Variants in ZMAT4 observed in about 807,000 individuals in gnomAD.
The protein encoded by ZMAT4 is zinc finger matrin-type protein 4.
In ZMAT4, 17 loss-of-function variants were observed where a neutral mutation model predicts 28.7. That is an observed-to-expected ratio of 0.59 (90% CI 0.41 to 0.89). ZMAT4 has a LOEUF of 0.89. Among genes scored for constraint, ZMAT4 ranks in the 40% least tolerant of loss-of-function variants. ZMAT4 has a pLI of 0.00. For synonymous variants in ZMAT4, 117 were observed against 109.2 expected, an observed-to-expected ratio of 1.07 and a Z score of -0.44; for missense variants, 240 against 283.8, an observed-to-expected ratio of 0.85 and a Z score of 1.11.
At chr8:40,787,613 ACT>A (rs1814141236) in intron 2 of ZMAT4, among the ~76,000 whole-genome samples, 2 of 152,224 alleles carry the variant, frequency 1.3e-5, no homozygotes, top group African/African-American at 4.8e-5. Flanking sequence ...TGCCAGCAAC[ACT>A]ACTTTTGTGC....
At chr8:40,690,201 G>A (rs911605638) in intron 4 of ZMAT4, among the ~76,000 whole-genome samples, 2 of 152,172 alleles carry the variant, frequency 1.3e-5, no homozygotes, top group African/African-American at 4.8e-5. Context: ...AACAGGCATG[G>A]TTTCTCCCAC....
chr8:40,796,641 C>T (rs528459809), intron 2 of ZMAT4, among the ~76,000 whole-genome samples: 180 of 152,326 alleles, frequency 1.2e-3, no homozygotes, highest in African/African-American at 4.0e-3. Flanking sequence ...AATGATATCT[C>T]TTTCCCTCCC....
At chr8:40,855,093 C>T (rs1352201182) in intron 1 of ZMAT4, among the ~76,000 whole-genome samples, 7 of 152,180 alleles carry the variant, frequency 4.6e-5, no homozygotes, top group African/African-American at 7.2e-5. Flanking sequence ...GTGGCATTCA[C>T]GGGTTTTTGC....
chr8:40,747,322 C>A, intron 3 of ZMAT4, among the ~76,000 whole-genome samples: 1 of 152,046 alleles, frequency 6.6e-6, no homozygotes, highest in East Asian at 1.9e-4. Flanking sequence ...TTACATGACT[C>A]GCCCATGATC....
chr8:40,594,097 C>T (rs112141401), intron 5 of ZMAT4, among the ~76,000 whole-genome samples: 150 of 152,314 alleles, frequency 9.8e-4, no homozygotes, highest in African/African-American at 3.5e-3. Context: ...GCACCAAAGC[C>T]AGATGGCTGC....
intron 2 of ZMAT4, among the ~76,000 whole-genome samples, chr8:40,801,670 TA>T (rs1041251015): frequency 3.3e-5 from 5 of 151,826 alleles, no homozygotes; most frequent in Non-Finnish European, 7.4e-5. Context: ...AACTCTGTCT[TA>T]AAAAAATAAT....
chr8:40,760,673 C>G (rs536536577), intron 3 of ZMAT4, among the ~76,000 whole-genome samples: 1 of 150,140 alleles, frequency 6.7e-6, no homozygotes, highest in East Asian at 1.9e-4. Context: ...ACATTCTGAC[C>G]GCAAAGATCT....
At chr8:40,808,524 C>T (rs1429320817) in intron 2 of ZMAT4, 5 of 455,060 alleles carry the variant, frequency 1.1e-5, no homozygotes, top group Non-Finnish European at 1.8e-5. Flanking sequence ...CTTATTGACA[C>T]AGCTAGTTTT....
At chr8:40,580,817 G>A (rs1457501175) in intron 6 of ZMAT4, among the ~76,000 whole-genome samples, 1 of 152,156 alleles carries the variant, frequency 6.6e-6, no homozygotes, top group Non-Finnish European at 1.5e-5. Context: ...GAAAGGGAAA[G>A]TGGTAGAAGA....
At chr8:40,596,526 G>A (rs1017275442) in intron 5 of ZMAT4, among the ~76,000 whole-genome samples, 1 of 151,912 alleles carries the variant, frequency 6.6e-6, no homozygotes. Flanking sequence ...GAAAAATGAG[G>A]ACATAAACAC....
At chr8:40,605,273 A>G (rs1805541527) in intron 5 of ZMAT4, among the ~76,000 whole-genome samples, 1 of 151,858 alleles carries the variant, frequency 6.6e-6, no homozygotes, top group East Asian at 1.9e-4. Flanking sequence ...GTGACCTTAG[A>G]TTGTCTATTT....
chr8:40,824,454 GAAGA>G (rs1226097510), intron 2 of ZMAT4, among the ~76,000 whole-genome samples: 8 of 151,942 alleles, frequency 5.3e-5, no homozygotes, highest in Non-Finnish European at 1.0e-4. Context: ...CAAAAAGAAA[GAAGA>G]AAGAAAGAAA....
At chr8:40,628,031 T>C (rs1806438451) in intron 5 of ZMAT4, among the ~76,000 whole-genome samples, 1 of 152,192 alleles carries the variant, frequency 6.6e-6, no homozygotes, top group Non-Finnish European at 1.5e-5. Context: ...GAAAAAAGTG[T>C]TCTGTAGGGA....
chr8:40,625,355 A>G (rs1238047870), intron 5 of ZMAT4, among the ~76,000 whole-genome samples: 2 of 152,084 alleles, frequency 1.3e-5, no homozygotes, highest in African/African-American at 2.4e-5. Context: ...ATTTGAGTAG[A>G]GGCATGTGAT....
At chr8:40,662,344 A>G (rs546607080) in intron 5 of ZMAT4, among the ~76,000 whole-genome samples, 5 of 152,252 alleles carry the variant, frequency 3.3e-5, no homozygotes, top group African/African-American at 1.2e-4. Flanking sequence ...TTCTTGGTCA[A>G]CATCTAATAA....
At chr8:40,536,674 C>A (rs1257425918) in intron 6 of ZMAT4, among the ~76,000 whole-genome samples, 2 of 152,028 alleles carry the variant, frequency 1.3e-5, no homozygotes, top group African/African-American at 4.8e-5. Flanking sequence ...GCTTGCCCAG[C>A]CTCTCCTATC....
At chr8:40,845,326 GA>G (rs1000682030) in intron 1 of ZMAT4, among the ~76,000 whole-genome samples, 26 of 152,260 alleles carry the variant, frequency 1.7e-4, no homozygotes, top group Admixed American at 1.3e-3. Context: ...CTTCTCTAGA[GA>G]AAACACTCTT....
intron 6 of ZMAT4, among the ~76,000 whole-genome samples, chr8:40,567,295 C>T (rs1405021666): frequency 2.0e-5 from 3 of 152,056 alleles, no homozygotes; most frequent in South Asian, 2.1e-4. Flanking sequence ...TACATGGTTC[C>T]TATTTGCTGT....
At chr8:40,663,843 T>G (rs1040120333) in intron 5 of ZMAT4, among the ~76,000 whole-genome samples, 2 of 152,202 alleles carry the variant, frequency 1.3e-5, no homozygotes, top group African/African-American at 4.8e-5. Flanking sequence ...GATTCTTAAC[T>G]AGATACAATA....
Sources: gnomAD v4.1 joint callset for allele counts (sites outside exome capture counted in the v4.1 genomes callset) on GRCh38, gnomAD v4.1.1 for gene constraint, MANE v1.5 for transcripts, NCBI Gene and HGNC (gene_info 2026-07-23, HGNC 2026-07-21) for gene names.